Variants in CBLN2 observed in about 807,000 individuals in gnomAD.
The protein encoded by CBLN2 is cerebellin 2 precursor.
Under a neutral mutation model 15.0 loss-of-function variants are expected in CBLN2, and 7 were observed. The observed-to-expected ratio is 0.47, with a 90% CI of 0.27 to 0.88. The LOEUF (loss-of-function observed/expected upper bound fraction) is 0.88. Ranked by LOEUF, CBLN2 falls within the 40% of genes least tolerant of loss-of-function variation. The pLI is 0.14. For synonymous variants in CBLN2, 149 were observed against 135.2 expected, an observed-to-expected ratio of 1.10 and a Z score of -0.71; for missense variants, 242 against 304.5, an observed-to-expected ratio of 0.79 and a Z score of 1.53.
intron 1 of CBLN2, among the ~76,000 whole-genome samples, chr18:72,575,583 G>T (rs1371080246): frequency 6.6e-6 from 1 of 152,142 alleles, no homozygotes; most frequent in Non-Finnish European, 1.5e-5. Flanking sequence ...AAAGCCCTGT[G>T]GGAGAAAGAA....
At chr18:72,617,018 T>C (rs2069667097) in intron 1 of CBLN2, among the ~76,000 whole-genome samples, 1 of 152,218 alleles carries the variant, frequency 6.6e-6, no homozygotes, top group Non-Finnish European at 1.5e-5. Flanking sequence ...ATTTAAATTG[T>C]ATATTCCTAA....
At chr18:72,588,746 G>A (rs2069458967) in intron 1 of CBLN2, among the ~76,000 whole-genome samples, 1 of 152,038 alleles carries the variant, frequency 6.6e-6, no homozygotes, top group Non-Finnish European at 1.5e-5. Context: ...GATCTTTAAA[G>A]GCTAGAAAAG....
chr18:72,539,523 T>C (rs1338985940), intron 3 of CBLN2: 2 of 152,238 alleles, frequency 1.3e-5, no homozygotes, highest in African/African-American at 4.8e-5. Context: ...CTTGAATAAA[T>C]AGAGAACCGG....
chr18:72,565,113 T>A (rs1050225869), intron 1 of CBLN2, among the ~76,000 whole-genome samples: 5 of 152,148 alleles, frequency 3.3e-5, no homozygotes, highest in Non-Finnish European at 7.4e-5. Context: ...TCAGCAAAGA[T>A]CAGCATTACA....
At chr18:72,556,777 A>G (rs1391920342) in intron 1 of CBLN2, among the ~76,000 whole-genome samples, 1 of 152,180 alleles carries the variant, frequency 6.6e-6, no homozygotes, top group African/African-American at 2.4e-5. Flanking sequence ...ACTGATAGGT[A>G]GATTCTCAGC....
intron 1 of CBLN2, among the ~76,000 whole-genome samples, chr18:72,613,641 C>T (rs1162582771): frequency 1.3e-5 from 2 of 152,134 alleles, no homozygotes; most frequent in Non-Finnish European, 2.9e-5. Flanking sequence ...GAGGGAATGT[C>T]AAAGAAGACA....
At chr18:72,550,964 G>A (rs944852578) in intron 1 of CBLN2, among the ~76,000 whole-genome samples, 1 of 151,914 alleles carries the variant, frequency 6.6e-6, no homozygotes, top group African/African-American at 2.4e-5. Context: ...TGCCTATATT[G>A]TGTCCTGTAT....
intron 1 of CBLN2, among the ~76,000 whole-genome samples, chr18:72,573,666 G>A (rs1195754091): frequency 1.3e-5 from 2 of 152,068 alleles, no homozygotes; most frequent in Non-Finnish European, 2.9e-5. Flanking sequence ...ATTGTGTGTT[G>A]TACCATAGTT....
chr18:72,602,303 G>C (rs530844537), intron 1 of CBLN2, among the ~76,000 whole-genome samples: 1 of 152,176 alleles, frequency 6.6e-6, no homozygotes, highest in African/African-American at 2.4e-5. Context: ...GCCTGTTGCC[G>C]GCGGCTGTGC....
chr18:72,569,743 T>A (rs2069318926), intron 1 of CBLN2, among the ~76,000 whole-genome samples: 1 of 152,026 alleles, frequency 6.6e-6, no homozygotes, highest in Non-Finnish European at 1.5e-5. Context: ...GAGTGGGAAC[T>A]CACTCACTCA....
At chr18:72,637,188 T>C (rs1321435752) in intron 1 of CBLN2, among the ~76,000 whole-genome samples, 2 of 152,150 alleles carry the variant, frequency 1.3e-5, no homozygotes, top group Non-Finnish European at 2.9e-5. Flanking sequence ...ATTTTCCGCA[T>C]ATGTTTCTAT....
intron 1 of CBLN2, among the ~76,000 whole-genome samples, chr18:72,616,561 A>G (rs1457304424): frequency 1.3e-5 from 2 of 152,076 alleles, no homozygotes; most frequent in Non-Finnish European, 2.9e-5. Context: ...AAAGGATATG[A>G]TTTTGATTCC....
At chr18:72,576,603 T>C (rs757302596) in intron 1 of CBLN2, among the ~76,000 whole-genome samples, 67 of 152,246 alleles carry the variant, frequency 4.4e-4, no homozygotes, top group Non-Finnish European at 5.1e-4. Context: ...AGGGTATAAA[T>C]TGGTTCCATT....
chr18:72,588,831 G>T (rs956412386), intron 1 of CBLN2, among the ~76,000 whole-genome samples: 40 of 152,192 alleles, frequency 2.6e-4, no homozygotes, highest in Admixed American at 2.0e-4. Context: ...ATGGAAGCTT[G>T]GAACAGCACC....
At chr18:72,600,641 A>G (rs1379780338) in intron 1 of CBLN2, among the ~76,000 whole-genome samples, 1 of 152,176 alleles carries the variant, frequency 6.6e-6, no homozygotes, top group East Asian at 1.9e-4. Flanking sequence ...CCCACTACAC[A>G]GACAAAATCA....
chr18:72,538,800 C>A, intron 3 of CBLN2, 28 bp from the exon 4 acceptor site: 4 of 1,610,172 alleles, frequency 2.5e-6, no homozygotes, highest in Non-Finnish European at 3.4e-6. Context: ...ACACAGCACA[C>A]AATGGCAAGC....
At chr18:72,557,621 AG>A (rs2069234647) in intron 1 of CBLN2, among the ~76,000 whole-genome samples, 2 of 152,230 alleles carry the variant, frequency 1.3e-5, no homozygotes, top group Admixed American at 1.3e-4. Flanking sequence ...GGGTGGAGCT[AG>A]AAGCCATTAT....
chr18:72,549,138 A>G (rs1192919093), upstream of CBLN2, among the ~76,000 whole-genome samples: 5 of 152,136 alleles, frequency 3.3e-5, no homozygotes, highest in East Asian at 7.7e-4. Flanking sequence ...CAGCCTTCCT[A>G]GTAGCTGGGA....
chr18:72,559,705 T>G (rs1468407571), intron 1 of CBLN2, among the ~76,000 whole-genome samples: 1 of 152,192 alleles, frequency 6.6e-6, no homozygotes, highest in East Asian at 1.9e-4. Context: ...ATCCGTTTGA[T>G]TTTTTCGAGG....
Sources: allele counts gnomAD v4.1 joint callset (sites outside exome capture counted in the v4.1 genomes callset), GRCh38; gene constraint gnomAD v4.1.1; transcripts MANE v1.5; gene names NCBI Gene and HGNC (gene_info 2026-07-23, HGNC 2026-07-21).